NCK1: variants seen among roughly 807,000 people sequenced by gnomAD.
NCK1 encodes SH2/SH3 adapter protein NCK1.
Under a neutral mutation model 36.6 loss-of-function variants are expected in NCK1, and 19 were observed. The observed-to-expected ratio is 0.52, with a 90% confidence interval of 0.36 to 0.76. The LOEUF is 0.76. Among genes scored for constraint, NCK1 ranks in the 30% least tolerant of loss-of-function variants. The probability of loss-of-function intolerance (pLI) is 0.00; values close to 1 mark genes in which losing one functional copy is unlikely to be tolerated. For missense variants in NCK1, 358 were observed against 445.6 expected (o/e 0.80, Z 1.77); for synonymous variants, 165 against 156.0 (o/e 1.06, Z -0.43).
At chr3:136,906,061 T>C (rs949258397) in intron 1 of NCK1, among the ~76,000 whole-genome samples, 13 of 152,180 alleles carry the variant, frequency 8.5e-5, no homozygotes, top group Admixed American at 8.5e-4. Context: ...TCCTTCTAAT[T>C]TTTTGAATTG....
chr3:136,899,628 C>T, intron 1 of NCK1: 2 of 676,442 alleles, frequency 3.0e-6, no homozygotes, highest in Non-Finnish European at 2.8e-6. Flanking sequence ...TTTTCTTTTC[C>T]CTTGAATACC....
At chr3:136,878,486 T>A (rs537921552) in intron 1 of NCK1, among the ~76,000 whole-genome samples, 30 of 152,190 alleles carry the variant, frequency 2.0e-4, no homozygotes, top group Non-Finnish European at 8.8e-5. Context: ...ATCCAGAAAT[T>A]GTGTATTTGT....
At chr3:136,923,720 A>G (rs1190513155) in intron 1 of NCK1, among the ~76,000 whole-genome samples, 1 of 152,214 alleles carries the variant, frequency 6.6e-6, no homozygotes, top group Admixed American at 6.5e-5. Context: ...CATATAAACA[A>G]TATTAAACAT....
intron 2 of NCK1, among the ~76,000 whole-genome samples, chr3:136,942,899 C>T (rs911278753): frequency 6.6e-6 from 1 of 152,212 alleles, no homozygotes; most frequent in African/African-American, 2.4e-5. Context: ...AAAGCCAAGG[C>T]AAGCCATTGC....
At chr3:136,935,099 G>A (rs1036509937) in intron 2 of NCK1, among the ~76,000 whole-genome samples, 4 of 151,858 alleles carry the variant, frequency 2.6e-5, no homozygotes, top group East Asian at 3.9e-4. Flanking sequence ...ACAGGGTTTC[G>A]CATGTTGGCC....
intron 1 of NCK1, among the ~76,000 whole-genome samples, chr3:136,877,646 A>T (rs115181303): frequency 1.3e-5 from 2 of 152,230 alleles, no homozygotes; most frequent in Non-Finnish European, 2.9e-5. Flanking sequence ...GATTTGAACT[A>T]CACAGGTAAA....
At chr3:136,885,486 G>A (rs1195117598) in intron 1 of NCK1, among the ~76,000 whole-genome samples, 1 of 152,036 alleles carries the variant, frequency 6.6e-6, no homozygotes, top group African/African-American at 2.4e-5. Flanking sequence ...TGAATTTTTT[G>A]TAGAGACAGG....
rs1014441087 is a variant in NCK1, at chr3:136,885,103, A to C, written c.-19+22750A>C. 3.3e-5 allele frequency among the ~76,000 whole-genome samples: 5 copies of C among 152,216 alleles called. No homozygotes were observed. The East Asian group carries it at 7.7e-4, about 23-fold the overall frequency. On this transcript the variant is annotated intron_variant, in intron 1 of 3. Transcript: ENST00000481752. Reference sequence around the variant, plus strand: ...AGGTATACACTGAAATATTTACATAAATTTTTAGAGGTATACACCGAAATA... The same window carrying C: ...AGGTATACACTGAAATATTTACATACATTTTTAGAGGTATACACCGAAATA...
intron 3 of NCK1, among the ~76,000 whole-genome samples, chr3:136,947,466 G>T (rs918070160): frequency 2.8e-4 from 43 of 152,016 alleles, no homozygotes; most frequent in African/African-American, 9.9e-4. Context: ...TAAGGTTAGA[G>T]GTCTCAAGTA....
Position 136,945,695 on chromosome 3 carries a change from G to C in NCK1, c.339G>C (p.Val113=). 1.2e-6 allele frequency: 2 copies of C among 1,614,108 alleles called. No individual in the cohort carries two copies. The highest frequency in any genetic ancestry group is 1.7e-6 in the Non-Finnish European group (2 of 1,179,998). Residue 113 remains valine (V), a synonymous_variant, in exon 3 of 4, where the codon GTG becomes GTC. Transcript: ENST00000481752. ...ATGACCTCAACATGCCCGCTTATGTGAAATTTAACTACATGGCTGAGAGAG... is the reference window on the plus strand; with the variant it reads ...ATGACCTCAACATGCCCGCTTATGTCAAATTTAACTACATGGCTGAGAGAG... The part of the protein sequence containing the change: ...RLYDLNMPAY[V]KFNYMAERED...
intron 2 of NCK1, among the ~76,000 whole-genome samples, chr3:136,929,667 T>G (rs1026667496): frequency 6.6e-6 from 1 of 152,190 alleles, no homozygotes. Context: ...CAAGAAAGTA[T>G]GCCTCATAGT....
chr3:136,905,506 G>C (rs932422375), intron 1 of NCK1, among the ~76,000 whole-genome samples: 5 of 152,020 alleles, frequency 3.3e-5, no homozygotes, highest in Non-Finnish European at 7.4e-5. Context: ...GCCTGCCTCA[G>C]CCTTCCAAAG....
At chr3:136,896,781 C>T (rs1049376407) in intron 1 of NCK1, among the ~76,000 whole-genome samples, 1 of 151,528 alleles carries the variant, frequency 6.6e-6, no homozygotes, top group Non-Finnish European at 1.5e-5. Context: ...GATTACAGAC[C>T]TAGCACTGTG....
chr3:136,940,659 C>T (rs1183757771), intron 2 of NCK1, among the ~76,000 whole-genome samples: 1 of 151,888 alleles, frequency 6.6e-6, no homozygotes, highest in Non-Finnish European at 1.5e-5. Flanking sequence ...ATTCTTCTGT[C>T]TCAGCCTCCT....
At chr3:136,927,889 T>G (rs1940285554) in intron 1 of NCK1, 95 bp from the exon 2 acceptor site, 1 of 893,836 alleles carries the variant, frequency 1.1e-6, no homozygotes, top group Admixed American at 2.6e-5. Context: ...CTTTTCATCT[T>G]TATGTCTTTA....
At chr3:136,875,222 G>T (rs1938733248) in intron 1 of NCK1, among the ~76,000 whole-genome samples, 1 of 152,142 alleles carries the variant, frequency 6.6e-6, no homozygotes, top group African/African-American at 2.4e-5. Flanking sequence ...TTTGCCCATT[G>T]ATTTTGTATC....
At chr3:136,903,728 A>C (rs1403260715) in intron 1 of NCK1, among the ~76,000 whole-genome samples, 1 of 151,942 alleles carries the variant, frequency 6.6e-6, no homozygotes, top group Admixed American at 6.6e-5. Flanking sequence ...CGCCTGGCCA[A>C]ATTAGTCTGT....
At chr3:136,864,265 G>C (rs1938344841) in intron 1 of NCK1, among the ~76,000 whole-genome samples, 1 of 152,012 alleles carries the variant, frequency 6.6e-6, no homozygotes, top group Non-Finnish European at 1.5e-5. Context: ...GGCCGAGGCA[G>C]GCGGATCACG....
chr3:136,949,922 C>G lies in NCK1; in HGVS notation c.*1469C>G, dbSNP rs1940929931. ...TGTTGCCACTGGGTGGCAGCCATGG[C>G]TTCTCCCACTAAGCAACAGAAGTGA... is the stretch of plus-strand genomic sequence containing the variant. On this transcript the variant is annotated 3_prime_UTR_variant, in exon 4 of 4. Transcript: ENST00000481752. 6.6e-6 allele frequency: 1 copy of G among 151,988 alleles called. No individual in the cohort carries two copies. The highest frequency in any genetic ancestry group is 2.4e-5 in the African/African-American group (1 of 41,434). 9.4% of individuals were successfully genotyped at this position (151,988 alleles called of 1,614,324 possible).
Sources: gnomAD v4.1 joint callset for allele counts (sites outside exome capture counted in the v4.1 genomes callset) on GRCh38, gnomAD v4.1.1 for gene constraint, MANE v1.5 for transcripts, NCBI Gene and HGNC (gene_info 2026-07-23, HGNC 2026-07-21) for gene names.